Variants in OR2T11 observed in about 807,000 individuals in gnomAD.
The protein encoded by OR2T11 is olfactory receptor 2T11.
OR2T11 carries 14 observed loss-of-function variants against 13.5 expected under a neutral mutation model. The observed-to-expected ratio is 1.04, with a 90% CI of 0.69 to 1.62. The LOEUF is 1.62. Among genes scored for constraint, OR2T11 ranks in the 40% most tolerant of loss-of-function variants. OR2T11 has a pLI of 0.00. For missense variants in OR2T11, 410 were observed against 389.7 expected, an observed-to-expected ratio of 1.05 and a Z score of -0.44; for synonymous variants, 163 against 154.6, an observed-to-expected ratio of 1.05 and a Z score of -0.40.
chr1:248,631,535 T>G (rs1263265525), intron 1 of OR2T11, among the ~76,000 whole-genome samples: 1 of 143,106 alleles, frequency 7.0e-6, no homozygotes, highest in Non-Finnish European at 1.5e-5. Context: ...CACTTCCGTT[T>G]ACAACCAGCC....
rs766260212 is a variant in OR2T11 at position 248,626,767 on chromosome 1, A to G, written c.362T>C (p.Val121Ala). 7.4e-5 allele frequency: 117 copies of G among 1,571,596 alleles called. 12 individuals carry two copies. Among genetic ancestry groups the G allele is most frequent in the Non-Finnish European group, 9.9e-5 (115 of 1,155,878 alleles). ...LLGLMAYDCY[V>A]AVCNPLRYPV... ...GTATCTCAGAGGGTTACAGACAGCC[A>G]CGTAGCAGTCATAGGCCATGAGGCC... The change falls in exon 2 of 2, where the codon GTG becomes GCG. Residue 121 changes from valine (V) to alanine (A), a missense_variant. Coordinates refer to ENST00000641193, the MANE Select transcript of OR2T11 (RefSeq NM_001001964.2).
chr1:248,633,936 T>TTGG (rs1266535195), intron 1 of OR2T11, among the ~76,000 whole-genome samples: 11 of 143,008 alleles, frequency 7.7e-5, no homozygotes, highest in South Asian at 2.2e-4. Context: ...AATTTTAAAA[T>TTGG]AGTTAATAGA....
intron 1 of OR2T11, among the ~76,000 whole-genome samples, chr1:248,629,035 T>TAA (rs1660566195): frequency 7.0e-6 from 1 of 143,812 alleles, no homozygotes; most frequent in Non-Finnish European, 1.5e-5. Flanking sequence ...CTAATAGAAT[T>TAA]AACCCACACT....
In OR2T11 at chr1:248,626,937, G is replaced by T. The variant is rs1344332879; in HGVS notation, c.192C>A (p.Ser64=). The stretch of plus-strand genomic sequence containing the variant: ...TACAGATGAAAAGGGTGTCCATGAT[G>T]GACAGCTGACTGAGCAGAAAGTACA... ...TPMYFLLSQL[S]IMDTLFICTT... is the part of the protein sequence containing the mutation. The change falls in exon 2 of 2, where the codon TCC becomes TCA. Residue 64 remains serine, a synonymous_variant. Transcript: ENST00000641193. 1.3e-6 allele frequency: 2 copies of T among 1,571,736 alleles called. No individual in the cohort carries two copies. Among genetic ancestry groups the T allele is most frequent in the South Asian group, 2.3e-5 (2 of 88,854 alleles).
At chr1:248,633,390 C>T (rs1489902479) in intron 1 of OR2T11, among the ~76,000 whole-genome samples, 1 of 143,138 alleles carries the variant, frequency 7.0e-6, no homozygotes, top group Non-Finnish European at 1.5e-5. Context: ...GAAATGAAAT[C>T]CCTTAATACA....
Position 248,627,002 on chromosome 1 carries a change from T to G in OR2T11, c.127A>C (p.Ile43Leu). The stretch of plus-strand genomic sequence containing the variant: ...CGAGAGTCCACCTGAATCAAGAATA[T>G]CATGACCAAATTTGCAGTCACGGCC... ...LGAVTANLVM[I>L]FLIQVDSRLH... is the part of the protein sequence containing the mutation. Residue 43 changes from isoleucine (I) to leucine (L), a missense_variant, in exon 2 of 2, where the codon ATA (isoleucine) becomes CTA (leucine). By Grantham distance (5) the Ile-to-Leu change is conservative. Coordinates refer to ENST00000641193, the MANE Select transcript of OR2T11 (RefSeq NM_001001964.2). The G allele has an allele frequency of 6.4e-7, 1 of 1,569,880 alleles. No individual in the cohort carries two copies. Among genetic ancestry groups the G allele is most frequent in the Middle Eastern group, 1.7e-4 (1 of 5,968 alleles).
chr1:248,626,795 G>C lies in OR2T11; in HGVS notation c.334C>G (p.Leu112Val). 1 of 1,569,676 alleles carries C rather than the reference G, an allele frequency of 6.4e-7. No homozygotes were observed. Residue 112 changes from leucine (L) to valine (V), a missense_variant, in exon 2 of 2, where the codon CTG (leucine) becomes GTG (valine). Transcript: ENST00000641193. Reference sequence around the variant, plus strand: ...TAGCAGTCATAGGCCATGAGGCCCAGGAGGAAGAACTCAGAACCAATCATG... The same window carrying C: ...TAGCAGTCATAGGCCATGAGGCCCACGAGGAAGAACTCAGAACCAATCATG... ...LTMIGSEFFL[L>V]GLMAYDCYVA...
rs141824919 is a variant in OR2T11 at position 248,626,687 on chromosome 1, C to T, written c.442G>A (p.Gly148Arg). The change falls in exon 2 of 2, where the codon GGG becomes AGG. Residue 148 changes from glycine (G) to arginine (R), a missense_variant. Transcript: ENST00000641193. ...AGCAGAAAGCCATCGAGGGAGCCCC[C>T]AAACCAGGCACCAGCAGCCAGCAAA... The part of the protein sequence containing the change: ...CLLLAAGAWF[G>R]GSLDGFLLTP... 1.7e-4 allele frequency: 266 copies of T among 1,573,192 alleles called. 64 individuals are homozygous for T. The African/African-American group carries it at 3.8e-3, about 22-fold the overall frequency.
At position 248,625,895 on chromosome 1, in the gene OR2T11, A is replaced by G; in HGVS notation, c.*283T>C. ...GTGAAGGAGATCTAGTTCAGAGTGA[A>G]AGGTTGCTGTGAACTCTAATATTTG... On this transcript the variant is annotated 3_prime_UTR_variant, in exon 2 of 2. Coordinates refer to ENST00000641193, the MANE Select transcript of OR2T11 (RefSeq NM_001001964.2). 1 of 255,454 alleles carries G rather than the reference A, an allele frequency of 3.9e-6. No individual in the cohort carries two copies. The highest frequency in any genetic ancestry group is 2.5e-5 in the African/African-American group (1 of 39,916). The allele number at this position is 255,454 out of a possible 1,614,324, so 15.8% of individuals were successfully genotyped here.
rs1892444 is a variant in OR2T11 at position 248,627,422 on chromosome 1, C to T, written c.-144-150G>A. On this transcript the variant is annotated intron_variant, in intron 1 of 1. Coordinates refer to ENST00000641193, the MANE Select transcript of OR2T11 (RefSeq NM_001001964.2). ...AACTGCGTGATACAATTGCTGTATG[C>T]TACACCAAGAATGGGGTTTTAACCA... 9.8e-3 allele frequency: 3,989 copies of T among 407,672 alleles called. 820 individuals are homozygous for T. The highest frequency in any genetic ancestry group is 0.087 in the African/African-American group (3,743 of 43,262). 25.3% of individuals were successfully genotyped at this position (407,672 alleles called of 1,614,324 possible).
chr1:248,624,588 A>G lies in OR2T11; in HGVS notation c.*1590T>C, dbSNP rs549287376. The G allele has an allele frequency of 2.1e-5, 3 of 143,880 alleles. No homozygotes were observed. The highest frequency in any genetic ancestry group is 8.2e-5 in the African/African-American group (3 of 36,552). The allele number at this position is 143,880 out of a possible 1,614,324, so 8.9% of individuals were successfully genotyped here. ...TGTGACGCCAGCTGCCTCAGATCTCAGTCTCAAGCTTTCTCTTAAGAAAAC... is the reference window on the plus strand; with the variant it reads ...TGTGACGCCAGCTGCCTCAGATCTCGGTCTCAAGCTTTCTCTTAAGAAAAC... On this transcript the variant is annotated 3_prime_UTR_variant, in exon 2 of 2. Transcript: ENST00000641193.
chr1:248,623,906 C>CA lies in OR2T11; in HGVS notation c.*2271_*2272insT, dbSNP rs567405570. The CA allele has an allele frequency of 4.3e-5, 6 of 139,724 alleles. 1 individual carries two copies. The South Asian group carries it at 1.4e-3, about 31-fold the overall frequency. The allele number at this position is 139,724 out of a possible 1,614,324, so 8.7% of individuals were successfully genotyped here. On this transcript the variant is annotated 3_prime_UTR_variant, in exon 2 of 2. Coordinates refer to ENST00000641193, the MANE Select transcript of OR2T11 (RefSeq NM_001001964.2). ...ATGTCTCTACTAGCTTATTAACTTACCTCTTCTCCAAGATGATTCTCTTCT... is the reference window on the plus strand; with the variant it reads ...ATGTCTCTACTAGCTTATTAACTTACACTCTTCTCCAAGATGATTCTCTTCT...
At position 248,623,823 on chromosome 1, in the gene OR2T11, C is replaced by T. The variant is rs868289681; in HGVS notation, c.*2355G>A. 7.7e-5 allele frequency: 11 copies of T among 142,596 alleles called. 2 individuals are homozygous for T. Among genetic ancestry groups the T allele is most frequent in the African/African-American group, 1.4e-4 (5 of 36,042 alleles). The allele number at this position is 142,596 out of a possible 1,614,324, so 8.8% of individuals were successfully genotyped here. A position where few individuals can be genotyped will look rare whatever the true frequency, so the allele number is the denominator to read the frequency against. The stretch of plus-strand genomic sequence containing the variant: ...TGAATCGTCTGACAAATGTGCTGTG[C>T]TAAATTCATAAATTCAATGCAAAGG... On this transcript the variant is annotated 3_prime_UTR_variant, in exon 2 of 2. Transcript: ENST00000641193.
intron 1 of OR2T11, among the ~76,000 whole-genome samples, chr1:248,628,857 T>G (rs538902706): frequency 7.0e-6 from 1 of 143,554 alleles, no homozygotes; most frequent in Non-Finnish European, 1.5e-5. Context: ...TACTCCGTGG[T>G]CAAAACTCTA....
chr1:248,628,034 T>G lies in OR2T11; in HGVS notation c.-144-762A>C, dbSNP rs1160867588. ...ATTGCTCTCCATTGCTACTGTAGGT[T>G]TGGGAAATGGGCAGGGAAATTAAAG... On this transcript the variant is annotated intron_variant, in intron 1 of 1. Transcript: ENST00000641193. Among the ~76,000 whole-genome samples, 2 of 143,490 alleles carry G rather than the reference T, an allele frequency of 1.4e-5. 1 individual carries two copies. The highest frequency in any genetic ancestry group is 5.5e-5 in the African/African-American group (2 of 36,452). 94.1% of individuals were successfully genotyped at this position (143,490 alleles called of 152,430 possible).
chr1:248,633,971 ATAATT>A (rs1460931678), intron 1 of OR2T11, among the ~76,000 whole-genome samples: 4 of 111,940 alleles, frequency 3.6e-5, no homozygotes, highest in South Asian at 3.1e-4. Context: ...GAAGCTGGAA[ATAATT>A]TAAGTAGTTT....
At position 248,626,487 on chromosome 1, in the gene OR2T11, G is replaced by T; in HGVS notation, c.642C>A (p.Ser214=). 6.4e-7 allele frequency: 1 copy of T among 1,572,876 alleles called. No individual in the cohort carries two copies. The highest frequency in any genetic ancestry group is 8.6e-7 in the Non-Finnish European group (1 of 1,156,472). ...GGATGGTTAACAAGATGAGGGAGTA[G>T]GAAGTGGAGATGATAGAGATGGGGA... ...LLIPISIIST[S]YSLILLTIHR... is the part of the protein sequence containing the mutation. The change falls in exon 2 of 2, where the codon TCC becomes TCA. Residue 214 remains serine, a synonymous_variant. Coordinates refer to ENST00000641193, the MANE Select transcript of OR2T11 (RefSeq NM_001001964.2).
At position 248,624,474 on chromosome 1, in the gene OR2T11, T is replaced by A. The variant is rs1660485610; in HGVS notation, c.*1704A>T. 1 of 143,344 alleles carries A rather than the reference T, an allele frequency of 7.0e-6. No homozygotes were observed. The highest frequency in any genetic ancestry group is 2.2e-4 in the South Asian group (1 of 4,578). 8.9% of individuals were successfully genotyped at this position (143,344 alleles called of 1,614,324 possible). ...AATCTCACTTATTTCAACCATAGAC[T>A]GCACTTGTTGCAGTTGCTTTTACTT... On this transcript the variant is annotated 3_prime_UTR_variant, in exon 2 of 2. Transcript: ENST00000641193.
In OR2T11 at chr1:248,626,918, T is replaced by G. The variant is rs1558172269; in HGVS notation, c.211A>C (p.Ile71Leu). Residue 71 changes from isoleucine to leucine, a missense_variant, in exon 2 of 2, where the codon ATC becomes CTC. Ile to Leu is a conservative substitution (Grantham distance 5, BLOSUM62 2). Transcript: ENST00000641193. ...SQLSIMDTLF[I>L]CTTVPKLLAD... ...AGGAGTTTTGGGACAGTGGTACAGA[T>G]GAAAAGGGTGTCCATGATGGACAGC... The G allele has an allele frequency of 2.5e-6, 4 of 1,570,066 alleles. No individual in the cohort carries two copies. Among genetic ancestry groups the G allele is most frequent in the Non-Finnish European group, 3.5e-6 (4 of 1,154,580 alleles).
Sources: allele counts gnomAD v4.1 joint callset (sites outside exome capture counted in the v4.1 genomes callset), GRCh38; gene constraint gnomAD v4.1.1; transcripts MANE v1.5; gene names NCBI Gene and HGNC (gene_info 2026-07-23, HGNC 2026-07-21).